The following CTNNA2 variants were observed in gnomAD, a reference collection of about 807,000 sequenced individuals.
CTNNA2 encodes catenin alpha 2, also known as catenin alpha-2.
In CTNNA2, 42 loss-of-function variants were observed where a neutral mutation model predicts 101.0. The ratio of observed to expected loss-of-function variants is 0.42; its 90% CI spans 0.32 to 0.54. The LOEUF (loss-of-function observed/expected upper bound fraction) is 0.54. Among genes scored for constraint, CTNNA2 ranks in the 20% least tolerant of loss-of-function variants. The probability of loss-of-function intolerance (pLI) is 0.14; values close to 1 mark genes in which losing one functional copy is unlikely to be tolerated. For synonymous variants in CTNNA2, 450 were observed against 456.4 expected (o/e 0.99, Z 0.18); for missense variants, 871 against 1,223.1 (o/e 0.71, Z 4.29).
At chr2:79,542,571 G>A (rs1159131553) in intron 1 of CTNNA2, among the ~76,000 whole-genome samples, 1 of 152,118 alleles carries the variant, frequency 6.6e-6, no homozygotes, top group Admixed American at 6.5e-5. Context: ...CAGGTTTAAT[G>A]AGCATTCTGA....
intron 7 of CTNNA2, among the ~76,000 whole-genome samples, chr2:80,338,753 C>A (rs1218193898): frequency 2.6e-5 from 4 of 152,056 alleles, no homozygotes; most frequent in African/African-American, 9.7e-5. Context: ...GTGAATGGTG[C>A]CAACTTACTG....
At chr2:79,841,710 AT>A (rs1226254659) in intron 3 of CTNNA2, among the ~76,000 whole-genome samples, 1 of 152,208 alleles carries the variant, frequency 6.6e-6, no homozygotes, top group Non-Finnish European at 1.5e-5. Context: ...TCCTTTAAAT[AT>A]GTCTTCAGTC....
At chr2:80,168,483 T>C (rs540703181) in intron 7 of CTNNA2, among the ~76,000 whole-genome samples, 1 of 152,150 alleles carries the variant, frequency 6.6e-6, no homozygotes, top group Non-Finnish European at 1.5e-5. Flanking sequence ...CTCAGTGTCT[T>C]ACCTCTGTCC....
intron 4 of CTNNA2, among the ~76,000 whole-genome samples, chr2:79,403,480 G>T (rs889904600): frequency 1.3e-5 from 2 of 151,890 alleles, no homozygotes; most frequent in African/African-American, 4.8e-5. Flanking sequence ...GATGGCTGGG[G>T]GGACCATGTT....
intron 7 of CTNNA2, among the ~76,000 whole-genome samples, chr2:80,250,387 C>T (rs1671673285): frequency 6.6e-6 from 1 of 152,004 alleles, no homozygotes. Context: ...GCATATGATC[C>T]ATATAAGTCT....
intron 7 of CTNNA2, among the ~76,000 whole-genome samples, chr2:80,332,951 T>C (rs981043029): frequency 6.6e-6 from 1 of 152,134 alleles, no homozygotes; most frequent in African/African-American, 2.4e-5. Context: ...AAGAATAATA[T>C]TTTGCGACAT....
intron 4 of CTNNA2, among the ~76,000 whole-genome samples, chr2:79,444,395 A>C (rs928144318): frequency 6.6e-6 from 1 of 152,164 alleles, no homozygotes; most frequent in Admixed American, 6.6e-5. Context: ...ATTTTATATT[A>C]ATTTGTCCAA....
At chr2:80,546,293 G>A (rs1402794287) in intron 11 of CTNNA2, among the ~76,000 whole-genome samples, 4 of 152,158 alleles carry the variant, frequency 2.6e-5, no homozygotes, top group African/African-American at 9.7e-5. Flanking sequence ...ATTATTTAAG[G>A]TGGCTTATAT....
At chr2:79,467,497 C>G (rs1438981912) in intron 4 of CTNNA2, among the ~76,000 whole-genome samples, 4 of 152,114 alleles carry the variant, frequency 2.6e-5, no homozygotes, top group African/African-American at 7.2e-5. Flanking sequence ...GCAAGGCAGG[C>G]CAACATTTAA....
At chr2:80,438,028 A>G (rs1463698019) in intron 9 of CTNNA2, among the ~76,000 whole-genome samples, 1 of 152,128 alleles carries the variant, frequency 6.6e-6, no homozygotes, top group Non-Finnish European at 1.5e-5. Flanking sequence ...AAACAAACAA[A>G]CAAAACAACA....
chr2:80,359,545 G>A (rs75706341), intron 7 of CTNNA2, among the ~76,000 whole-genome samples: 4,429 of 152,142 alleles, frequency 0.029, 116 homozygotes, highest in African/African-American at 0.066. Context: ...AGATCTGATT[G>A]TTTAAAAGTG....
intron 9 of CTNNA2, among the ~76,000 whole-genome samples, chr2:80,542,249 ATG>A (rs199610864): frequency 7.7e-6 from 1 of 130,260 alleles, no homozygotes; most frequent in Non-Finnish European, 1.6e-5. Context: ...TTACATATTT[ATG>A]TGTATATATA....
At chr2:79,760,603 A>C (rs1672725482) in intron 3 of CTNNA2, among the ~76,000 whole-genome samples, 1 of 152,168 alleles carries the variant, frequency 6.6e-6, no homozygotes, top group South Asian at 2.1e-4. Flanking sequence ...TATATCTACA[A>C]AATGTCTAGA....
intron 2 of CTNNA2, among the ~76,000 whole-genome samples, chr2:79,254,367 T>A (rs1674812006): frequency 6.6e-6 from 1 of 152,116 alleles, no homozygotes; most frequent in African/African-American, 2.4e-5. Context: ...GGGTGTGGAG[T>A]TCCCATGAAT....
chr2:79,371,736 T>C (rs1190465891), intron 3 of CTNNA2, among the ~76,000 whole-genome samples: 1 of 152,094 alleles, frequency 6.6e-6, no homozygotes, highest in African/African-American at 2.4e-5. Context: ...TCTAGAATAA[T>C]TTCCTATCAG....
At chr2:79,387,061 T>C (rs1378671124) in intron 4 of CTNNA2, among the ~76,000 whole-genome samples, 2 of 152,218 alleles carry the variant, frequency 1.3e-5, no homozygotes, top group Non-Finnish European at 2.9e-5. Flanking sequence ...TCTCTGTTTT[T>C]GCTTTTCTTT....
chr2:79,439,389 G>T (rs532733188), intron 4 of CTNNA2, among the ~76,000 whole-genome samples: 65 of 152,288 alleles, frequency 4.3e-4, no homozygotes, highest in South Asian at 1.9e-3. Context: ...ACAGAAAGTG[G>T]ATTTGTGGTT....
chr2:79,600,545 T>G (rs10176128), intron 1 of CTNNA2, among the ~76,000 whole-genome samples: 9,346 of 152,194 alleles, frequency 0.061, 930 homozygotes, highest in African/African-American at 0.21. Flanking sequence ...TGGTGAAAGC[T>G]TCACTGTATG....
chr2:80,519,748 C>G (rs556326948), intron 9 of CTNNA2, among the ~76,000 whole-genome samples: 3 of 152,312 alleles, frequency 2.0e-5, no homozygotes, highest in Admixed American at 1.3e-4. Context: ...TCTTTACTTT[C>G]CTGCTGAAAT....
Sources: allele counts gnomAD v4.1 joint callset (sites outside exome capture counted in the v4.1 genomes callset), GRCh38; gene constraint gnomAD v4.1.1; transcripts MANE v1.5; gene names NCBI Gene and HGNC (gene_info 2026-07-23, HGNC 2026-07-21).